The following ARMC2 variants were observed in gnomAD, a reference collection of about 807,000 sequenced individuals.
ARMC2 encodes armadillo repeat-containing protein 2.
Under a neutral mutation model 90.3 loss-of-function variants are expected in ARMC2, and 67 were observed. The observed-to-expected ratio is 0.74, with a 90% CI of 0.61 to 0.91. The LOEUF (loss-of-function observed/expected upper bound fraction) is 0.91, where lower values mean the gene tolerates loss of function less well. Among genes scored for constraint, ARMC2 ranks in the 40% least tolerant of loss-of-function variants. ARMC2 has a pLI of 0.00. For synonymous variants in ARMC2, 393 were observed against 393.0 expected, an observed-to-expected ratio of 1.00 and a Z score of 0.00; for missense variants, 920 against 1,030.9, an observed-to-expected ratio of 0.89 and a Z score of 1.47.
the ARMC2 span, among the ~76,000 whole-genome samples, chr6:109,008,191 C>G: frequency 6.6e-6 from 1 of 152,114 alleles, no homozygotes; most frequent in Non-Finnish European, 1.5e-5. Context: ...GAGCAAGAAC[C>G]AGGACTCTGC....
At chr6:108,888,230 T>A (rs1166973892) in intron 5 of ARMC2, among the ~76,000 whole-genome samples, 1 of 152,162 alleles carries the variant, frequency 6.6e-6, no homozygotes, top group Non-Finnish European at 1.5e-5. Context: ...GCTGATGACA[T>A]CAGTGATGAC....
chr6:109,017,723 T>C, the ARMC2 span, among the ~76,000 whole-genome samples: 1 of 152,196 alleles, frequency 6.6e-6, no homozygotes, highest in Non-Finnish European at 1.5e-5. Flanking sequence ...AAGCATTAAA[T>C]AGAGGGTCAT....
chr6:108,980,442 T>C, the ARMC2 span, among the ~76,000 whole-genome samples: 1 of 151,886 alleles, frequency 6.6e-6, no homozygotes, highest in Admixed American at 6.6e-5. Context: ...TACTGGGAGG[T>C]GTCTCCCAGT....
intron 5 of ARMC2, among the ~76,000 whole-genome samples, chr6:108,887,183 G>A (rs566844088): frequency 1.3e-5 from 2 of 152,180 alleles, no homozygotes; most frequent in Admixed American, 6.5e-5. Flanking sequence ...AAGTGCTGTG[G>A]TTACAGATGT....
chr6:108,912,521 G>A lies in ARMC2; in HGVS notation c.1313G>A (p.Gly438Asp), dbSNP rs781608895. 2 of 1,613,906 alleles carry A rather than the reference G, an allele frequency of 1.2e-6. No homozygotes were observed. Among genetic ancestry groups the A allele is most frequent in the Non-Finnish European group, 8.5e-7 (1 of 1,179,844 alleles). ...ATAAATGAGAACATCAAGAAATGTGGTACATTTTTGCCTAATTCGGGCCAC... is the reference window on the plus strand; with the variant it reads ...ATAAATGAGAACATCAAGAAATGTGATACATTTTTGCCTAATTCGGGCCAC... Reference protein sequence around the residue: ...KQINENIKKCGTFLPNSGHLL... With the variant: ...KQINENIKKCDTFLPNSGHLL... Residue 438 changes from glycine to aspartate, a missense_variant, in exon 10 of 18, where the codon GGT becomes GAT. Transcript: ENST00000392644.
the ARMC2 span, among the ~76,000 whole-genome samples, chr6:109,052,329 T>C: frequency 2.0e-5 from 3 of 152,184 alleles, no homozygotes; most frequent in African/African-American, 7.2e-5. Flanking sequence ...TATAAAGCAA[T>C]GTTTTACTGT....
chr6:108,895,902 G>A (rs535262149), intron 6 of ARMC2, among the ~76,000 whole-genome samples: 1 of 152,238 alleles, frequency 6.6e-6, no homozygotes, highest in African/African-American at 2.4e-5. Flanking sequence ...TTTAAAATAA[G>A]GGAAAGGATA....
At chr6:108,965,813 TA>T (rs201504281) in intron 17 of ARMC2, among the ~76,000 whole-genome samples, 2 of 149,598 alleles carry the variant, frequency 1.3e-5, no homozygotes, top group African/African-American at 2.5e-5. Context: ...CCCAGATAAT[TA>T]AAAAAAAATT....
At chr6:109,049,270 A>G in the ARMC2 span, among the ~76,000 whole-genome samples, 4 of 152,350 alleles carry the variant, frequency 2.6e-5, no homozygotes, top group South Asian at 6.2e-4. Flanking sequence ...AAAATAAGCC[A>G]GGAACAGAAA....
intron 17 of ARMC2, among the ~76,000 whole-genome samples, chr6:108,972,689 G>C (rs1454441503): frequency 6.6e-6 from 1 of 152,062 alleles, no homozygotes; most frequent in African/African-American, 2.4e-5. Context: ...TTTGAGACAG[G>C]GTCTCTCTGT....
chr6:108,987,456 C>T, the ARMC2 span: 1 of 625,348 alleles, frequency 1.6e-6, no homozygotes, highest in Non-Finnish European at 2.8e-6. Flanking sequence ...ATTATTTTGT[C>T]TACCATTGGT....
intron 7 of ARMC2, among the ~76,000 whole-genome samples, chr6:108,901,968 GC>G (rs1772208798): frequency 1.3e-5 from 2 of 152,226 alleles, no homozygotes; most frequent in Admixed American, 6.5e-5. Flanking sequence ...CTCCAGGTTA[GC>G]ATCTTGGGCA....
chr6:109,006,951 G>A, the ARMC2 span, among the ~76,000 whole-genome samples: 1 of 152,230 alleles, frequency 6.6e-6, no homozygotes, highest in African/African-American at 2.4e-5. Context: ...CAGATTCTAG[G>A]AGACAGAACT....
At chr6:108,971,152 A>T (rs1349775267) in intron 17 of ARMC2, among the ~76,000 whole-genome samples, 1 of 150,658 alleles carries the variant, frequency 6.6e-6, no homozygotes, top group Non-Finnish European at 1.5e-5. Context: ...TGAATCTGGG[A>T]CATGAAGGTT....
the ARMC2 span, among the ~76,000 whole-genome samples, chr6:109,047,376 C>G: frequency 7.3e-6 from 1 of 136,652 alleles, no homozygotes; most frequent in Non-Finnish European, 1.6e-5. Context: ...GCCAGCCGCC[C>G]CGTCCGGGAG....
In ARMC2 at chr6:108,907,824, G is replaced by T. The variant is rs568382270; in HGVS notation, c.1024-3075G>T. The T allele has an allele frequency of 1.1e-5, 18 of 1,577,612 alleles. No homozygotes were observed. The East Asian group carries it at 3.3e-4, about 29-fold the overall frequency. On this transcript the variant is annotated intron_variant, in intron 8 of 17. Transcript: ENST00000392644. Reference sequence around the variant, plus strand: ...AAGATCCAGCTTGGCAGCTCCCCCAGTTTGACCTCCAGAAGTTTCTTGTCC... The same window carrying T: ...AAGATCCAGCTTGGCAGCTCCCCCATTTTGACCTCCAGAAGTTTCTTGTCC...
At chr6:109,009,682 G>A in the ARMC2 span, 210 of 466,246 alleles carry the variant, frequency 4.5e-4, no homozygotes, top group African/African-American at 4.2e-3. Context: ...CCTCCGGCGC[G>A]GAGGCTGGGA....
intron 4 of ARMC2, among the ~76,000 whole-genome samples, chr6:108,869,339 C>T (rs932329799): frequency 2.6e-5 from 4 of 152,106 alleles, no homozygotes; most frequent in African/African-American, 9.7e-5. Context: ...AAAACCCTGT[C>T]TCTACTAAAA....
the ARMC2 span, among the ~76,000 whole-genome samples, chr6:109,018,957 T>C: frequency 6.6e-6 from 1 of 152,122 alleles, no homozygotes; most frequent in Non-Finnish European, 1.5e-5. Context: ...TATAAGAAAA[T>C]ATAGAAATAC....
Sources: gnomAD v4.1 joint callset for allele counts (sites outside exome capture counted in the v4.1 genomes callset) on GRCh38, gnomAD v4.1.1 for gene constraint, MANE v1.5 for transcripts, NCBI Gene and HGNC (gene_info 2026-07-23, HGNC 2026-07-21) for gene names.